Variants in USP47 observed in about 807,000 individuals in gnomAD.
USP47 encodes ubiquitin specific peptidase 47.
Under a neutral mutation model 165.1 loss-of-function variants are expected in USP47, and 35 were observed. The observed-to-expected ratio is 0.21, with a 90% CI of 0.16 to 0.28. The LOEUF is 0.28. USP47 is among the 10% of genes least tolerant of loss of function. The pLI is 1.00. For missense variants in USP47, 1,277 were observed against 1,607.4 expected (o/e 0.79, Z 3.52); for synonymous variants, 531 against 544.5 (o/e 0.98, Z 0.35).
intron 1 of USP47, among the ~76,000 whole-genome samples, chr11:11,879,157 C>A (rs1359931906): frequency 6.6e-6 from 1 of 152,106 alleles, no homozygotes; most frequent in East Asian, 1.9e-4. Context: ...AGTTAAACTT[C>A]TTAGGAAGCT....
intron 1 of USP47, among the ~76,000 whole-genome samples, chr11:11,844,914 A>G (rs925900150): frequency 6.6e-6 from 1 of 152,202 alleles, no homozygotes; most frequent in African/African-American, 2.4e-5. Flanking sequence ...AGCTTAGTGT[A>G]GTACAGGCAT....
chr11:11,904,367 A>G (rs1484574188), intron 7 of USP47, among the ~76,000 whole-genome samples: 1 of 152,198 alleles, frequency 6.6e-6, no homozygotes, highest in East Asian at 1.9e-4. Context: ...TATAAATCCT[A>G]TTTGTTTGAA....
At chr11:11,842,794 T>TA (rs946957742) in intron 1 of USP47, among the ~76,000 whole-genome samples, 14 of 151,048 alleles carry the variant, frequency 9.3e-5, no homozygotes, top group African/African-American at 3.4e-4. Context: ...GACATTAATG[T>TA]AAAGGAAGGA....
At position 11,880,220 on chromosome 11, in the gene USP47, A is replaced by G. The variant is rs1280669944; in HGVS notation, c.83A>G (p.Gln28Arg). The change falls in exon 2 of 28, where the codon CAA becomes CGA. Residue 28 changes from glutamine to arginine, a missense_variant. Physicochemically the swap from Gln to Arg is conservative, Grantham distance 43. Transcript: ENST00000527733. ...AEEPRVLCIIQDTTNSKTVNE... is the reference protein window; with the variant it reads ...AEEPRVLCIIRDTTNSKTVNE... ...GAACCTAGAGTCTTATGTATTATACAAGATACTACTAATTCAAAGACAGTG... is the reference window on the plus strand; with the variant it reads ...GAACCTAGAGTCTTATGTATTATACGAGATACTACTAATTCAAAGACAGTG... 6.8e-7 allele frequency: 1 copy of G among 1,467,730 alleles called. No homozygotes were observed. Among genetic ancestry groups the G allele is most frequent in the Non-Finnish European group, 8.9e-7 (1 of 1,121,406 alleles). 90.9% of individuals were successfully genotyped at this position (1,467,730 alleles called of 1,614,324 possible). A position where few individuals can be genotyped will look rare whatever the true frequency, so the allele number is the denominator to read the frequency against.
chr11:11,876,718 A>C (rs928578102), intron 1 of USP47, among the ~76,000 whole-genome samples: 1 of 152,138 alleles, frequency 6.6e-6, no homozygotes. Context: ...GGGCTTCCTC[A>C]CAGCATGCTG....
At chr11:11,847,534 C>G (rs1848495577) in intron 1 of USP47, among the ~76,000 whole-genome samples, 1 of 152,092 alleles carries the variant, frequency 6.6e-6, no homozygotes, top group Non-Finnish European at 1.5e-5. Flanking sequence ...CAACCCAATT[C>G]TTGGTGTTCT....
chr11:11,923,653 G>C (rs1370274038), intron 11 of USP47, among the ~76,000 whole-genome samples: 3 of 152,048 alleles, frequency 2.0e-5, no homozygotes, highest in Admixed American at 1.3e-4. Flanking sequence ...CACTAACTCA[G>C]GTATTACAGA....
chr11:11,868,356 A>G (rs1849816895), intron 1 of USP47, among the ~76,000 whole-genome samples: 1 of 152,114 alleles, frequency 6.6e-6, no homozygotes, highest in Admixed American at 6.6e-5. Context: ...ATACTTGGTC[A>G]TTTTAAGAGT....
intron 8 of USP47, among the ~76,000 whole-genome samples, chr11:11,914,585 A>G (rs1032860781): frequency 2.0e-5 from 3 of 152,140 alleles, no homozygotes; most frequent in African/African-American, 4.8e-5. Flanking sequence ...AGCCCATATG[A>G]TAAAGAGAAT....
At chr11:11,900,461 A>C (rs370847809) in intron 5 of USP47, among the ~76,000 whole-genome samples, 1 of 151,998 alleles carries the variant, frequency 6.6e-6, no homozygotes, top group Admixed American at 6.6e-5. Context: ...CGCCCGGCCT[A>C]TTTTCTTCAC....
At chr11:11,861,117 C>CG (rs1349917089) in intron 1 of USP47, among the ~76,000 whole-genome samples, 2 of 151,874 alleles carry the variant, frequency 1.3e-5, no homozygotes, top group African/African-American at 2.4e-5. Context: ...TTTTTTGAGA[C>CG]GGAGTCCCGC....
At chr11:11,955,795 G>A (rs1856525270) in intron 27 of USP47, among the ~76,000 whole-genome samples, 1 of 152,222 alleles carries the variant, frequency 6.6e-6, no homozygotes, top group African/African-American at 2.4e-5. Context: ...TAACATGGAA[G>A]TTATTCTCCG....
chr11:11,901,724 A>C (rs1852239007), intron 5 of USP47, among the ~76,000 whole-genome samples: 1 of 152,070 alleles, frequency 6.6e-6, no homozygotes, highest in Non-Finnish European at 1.5e-5. Context: ...TTTGGGAGGC[A>C]GAGGTGGGTG....
rs1466617582 is a variant in USP47 at position 11,940,456 on chromosome 11, A to C, written c.2221A>C (p.Arg741=). Residue 741 remains arginine (R), a synonymous_variant, in exon 19 of 28, where the codon AGA becomes CGA. Transcript: ENST00000527733. Reference sequence around the variant, plus strand: ...CATCCATTTACCTGCTGAAACAATGAGAATAGTGCTGGAACGCTGCTACAA... The same window carrying C: ...CATCCATTTACCTGCTGAAACAATGCGAATAGTGCTGGAACGCTGCTACAA... The part of the protein sequence containing the change: ...KAIHLPAETM[R]IVLERCYNDL... The C allele has an allele frequency of 2.5e-6, 4 of 1,610,226 alleles. No individual in the cohort carries two copies. The African/African-American group carries it at 4.0e-5, about 16-fold the overall frequency.
chr11:11,947,986 T>A lies in USP47; in HGVS notation c.3133T>A (p.Phe1045Ile). 6.2e-7 allele frequency: 1 copy of A among 1,613,450 alleles called. No individual in the cohort carries two copies. Among genetic ancestry groups the A allele is most frequent in the African/African-American group, 1.3e-5 (1 of 74,960 alleles). Residue 1045 changes from phenylalanine to isoleucine, a missense_variant, in exon 21 of 28, where the codon TTC (phenylalanine) becomes ATC (isoleucine). By Grantham distance (21) the Phe-to-Ile change is conservative. This residue lies in a region of USP47 where 909 missense variants were observed against 1,068.1 expected (regional missense o/e 0.85). Transcript: ENST00000527733. ...HVDKRITLAA[F>I]KQHLEPFVGV... ...TGATAAAAGAATTACTCTGGCAGCT[T>A]TCAAACAACATTTAGAGCCCTTTGT...
intron 1 of USP47, among the ~76,000 whole-genome samples, chr11:11,857,733 T>G (rs1246421557): frequency 6.6e-6 from 1 of 152,248 alleles, no homozygotes; most frequent in East Asian, 1.9e-4. Flanking sequence ...CTACCTTTTC[T>G]GCGTGGCAGA....
chr11:11,915,304 A>C (rs1319546037), intron 8 of USP47, among the ~76,000 whole-genome samples: 1 of 152,214 alleles, frequency 6.6e-6, no homozygotes, highest in Non-Finnish European at 1.5e-5. Flanking sequence ...ACTGTGGGAC[A>C]GATTAACCAT....
At chr11:11,904,549 TTCATAGATC>T in intron 7 of USP47, among the ~76,000 whole-genome samples, 2 of 152,332 alleles carry the variant, frequency 1.3e-5, no homozygotes, top group Non-Finnish European at 2.9e-5. Context: ...CTGTTTCTTC[TTCATAGATC>T]TGAAGTTACT....
At chr11:11,918,052 T>G (rs1853558313) in intron 8 of USP47, among the ~76,000 whole-genome samples, 1 of 152,108 alleles carries the variant, frequency 6.6e-6, no homozygotes. Flanking sequence ...AATAACTATA[T>G]GGTAGAGAGA....
Sources: allele counts gnomAD v4.1 joint callset (sites outside exome capture counted in the v4.1 genomes callset), GRCh38; gene constraint gnomAD v4.1.1; regional missense constraint gnomAD v4.1.1; transcripts MANE v1.5; gene names NCBI Gene and HGNC (gene_info 2026-07-23, HGNC 2026-07-21).